Variants in TRAPPC6B observed in about 807,000 individuals in gnomAD.
The protein encoded by TRAPPC6B is TRAPP complex subunit 6B.
A neutral mutation model predicts 24.7 loss-of-function variants in TRAPPC6B; 27 were observed. The observed-to-expected ratio is 1.09, with a 90% CI of 0.81 to 1.51. The LOEUF is 1.51. TRAPPC6B is among the 40% of genes most tolerant of loss of function. TRAPPC6B has a pLI of 0.00. For missense variants in TRAPPC6B, 212 were observed against 190.8 expected (o/e 1.11, Z -0.66); for synonymous variants, 80 against 66.6 (o/e 1.20, Z -0.98).
At chr14:39,167,982 G>A (rs2053124974) in intron 1 of TRAPPC6B, among the ~76,000 whole-genome samples, 1 of 152,204 alleles carries the variant, frequency 6.6e-6, no homozygotes, top group Non-Finnish European at 1.5e-5. Context: ...GGGAGGCCAA[G>A]GCGGGCAGAT....
chr14:39,156,179 A>G (rs916952554), intron 3 of TRAPPC6B, among the ~76,000 whole-genome samples: 5 of 152,182 alleles, frequency 3.3e-5, no homozygotes, highest in African/African-American at 9.6e-5. Context: ...ATTCCAAGCT[A>G]AAGTTGGTAC....
intron 4 of TRAPPC6B, among the ~76,000 whole-genome samples, chr14:39,153,768 G>C (rs915056977): frequency 1.4e-5 from 2 of 147,484 alleles, no homozygotes; most frequent in Non-Finnish European, 3.0e-5. Context: ...ATGATAGCAC[G>C]ATCTCAGCTC....
At chr14:39,167,817 T>C (rs1447350500) in intron 1 of TRAPPC6B, among the ~76,000 whole-genome samples, 1 of 152,030 alleles carries the variant, frequency 6.6e-6, no homozygotes, top group African/African-American at 2.4e-5. Context: ...TCTCTTAAAA[T>C]TATCAGGCCT....
chr14:39,153,622 C>A (rs1328813372), intron 4 of TRAPPC6B, among the ~76,000 whole-genome samples: 2 of 148,580 alleles, frequency 1.3e-5, no homozygotes, highest in African/African-American at 2.5e-5. Context: ...CAGAGCAAGA[C>A]CTTGTCTTAA....
intron 1 of TRAPPC6B, among the ~76,000 whole-genome samples, chr14:39,169,533 C>CA (rs1339924541): frequency 3.3e-5 from 5 of 152,132 alleles, no homozygotes; most frequent in African/African-American, 9.7e-5. Flanking sequence ...CTAACGCCTG[C>CA]AAACTTTCCT....
chr14:39,154,682 A>T (rs2139379004), intron 3 of TRAPPC6B, among the ~76,000 whole-genome samples: 1 of 152,192 alleles, frequency 6.6e-6, no homozygotes, highest in Non-Finnish European at 1.5e-5. Context: ...GACCTCCCGA[A>T]GTGCTGGGAT....
At chr14:39,163,394 CCAG>C (rs2053078766) in intron 1 of TRAPPC6B, among the ~76,000 whole-genome samples, 1 of 148,380 alleles carries the variant, frequency 6.7e-6, no homozygotes. Flanking sequence ...AAAAAAAAGA[CCAG>C]CAACATCAGC....
At chr14:39,169,287 A>G (rs2053140376) in intron 1 of TRAPPC6B, among the ~76,000 whole-genome samples, 1 of 152,148 alleles carries the variant, frequency 6.6e-6, no homozygotes, top group South Asian at 2.1e-4. Flanking sequence ...TAATTTATCT[A>G]GCAGTGTCAG....
intron 3 of TRAPPC6B, among the ~76,000 whole-genome samples, chr14:39,156,536 C>T (rs181717297): frequency 6.6e-6 from 1 of 152,124 alleles, no homozygotes; most frequent in East Asian, 1.9e-4. Flanking sequence ...CAAGACTAGT[C>T]TGGGCAACAA....
intron 1 of TRAPPC6B, among the ~76,000 whole-genome samples, chr14:39,164,176 T>C (rs2053085352): frequency 6.6e-6 from 1 of 152,218 alleles, no homozygotes; most frequent in Non-Finnish European, 1.5e-5. Flanking sequence ...GTGTAACTTC[T>C]ACTAAAGTAA....
At chr14:39,156,091 C>A (rs893787994) in intron 3 of TRAPPC6B, among the ~76,000 whole-genome samples, 2 of 152,138 alleles carry the variant, frequency 1.3e-5, no homozygotes, top group African/African-American at 4.8e-5. Flanking sequence ...CCATGTCCAG[C>A]CAGCTGATAT....
intron 3 of TRAPPC6B, among the ~76,000 whole-genome samples, chr14:39,155,253 T>A (rs2052962645): frequency 6.6e-6 from 1 of 152,110 alleles, no homozygotes; most frequent in Non-Finnish European, 1.5e-5. Context: ...ATTTATTTAT[T>A]TTTTTGAGAC....
Position 39,158,352 on chromosome 14 carries a change from A to G in TRAPPC6B, c.200T>C (p.Phe67Ser), listed in dbSNP as rs767643971. ...CGTAGTCCAAAAATCTTTACAAATG[A>G]ACTTCATGATATCTAACTCATCCTT... ...RFKDELDIMK[F>S]ICKDFWTTVF... The change falls in exon 3 of 6, where the codon TTC (phenylalanine) becomes TCC (serine). Residue 67 changes from phenylalanine (F) to serine (S), a missense_variant. Coordinates refer to ENST00000330149, the MANE Select transcript of TRAPPC6B (RefSeq NM_001079537.2). 3.7e-6 allele frequency: 6 copies of G among 1,605,064 alleles called. No individual in the cohort carries two copies. The South Asian group carries it at 6.8e-5, about 18-fold the overall frequency.
chr14:39,158,615 A>G (rs191394743), intron 2 of TRAPPC6B: 14 of 430,640 alleles, frequency 3.3e-5, no homozygotes, highest in Non-Finnish European at 5.3e-5. Flanking sequence ...CCTCCCTCCC[A>G]GGCTCAAGCT....
rs1169950005 is a variant in TRAPPC6B at position 39,170,173 on chromosome 14, A to C, written c.-78T>G. 27 of 1,466,490 alleles carry C rather than the reference A, an allele frequency of 1.8e-5. No homozygotes were observed. Among genetic ancestry groups the C allele is most frequent in the Admixed American group, 3.8e-5 (2 of 52,160 alleles). The allele number at this position is 1,466,490 out of a possible 1,614,324, so 90.8% of individuals were successfully genotyped here. On this transcript the variant is annotated 5_prime_UTR_variant, in exon 1 of 6. Transcript: ENST00000330149. ...GGGGGTTCCAGCTCGCGCCTCAGCG[A>C]CTTCGCCGGCGCCGCGGCTCCGTCA...
intron 1 of TRAPPC6B, among the ~76,000 whole-genome samples, chr14:39,161,372 T>A (rs10133797): frequency 6.6e-6 from 1 of 152,052 alleles, no homozygotes; most frequent in Non-Finnish European, 1.5e-5. Flanking sequence ...ACATGCGTCA[T>A]GAGAATGAAA....
intron 2 of TRAPPC6B, chr14:39,159,112 T>TA (rs1487074982): frequency 1.9e-5 from 3 of 154,540 alleles, no homozygotes; most frequent in African/African-American, 7.2e-5. Flanking sequence ...CGCATAAACA[T>TA]AGACTATAGT....
chr14:39,161,939 G>A (rs963557829), intron 1 of TRAPPC6B, among the ~76,000 whole-genome samples: 4 of 152,146 alleles, frequency 2.6e-5, no homozygotes, highest in South Asian at 2.1e-4. Flanking sequence ...TCACCAGACC[G>A]GTAGAGGGGA....
At chr14:39,168,537 C>CT (rs34718979) in intron 1 of TRAPPC6B, among the ~76,000 whole-genome samples, 56,897 of 151,810 alleles carry the variant, frequency 0.37, 11,476 homozygotes, top group Non-Finnish European at 0.45. Flanking sequence ...CTGGCAGTAC[C>CT]TTTTTTTGGA....
Sources: allele counts gnomAD v4.1 joint callset (sites outside exome capture counted in the v4.1 genomes callset), GRCh38; gene constraint gnomAD v4.1.1; transcripts MANE v1.5; gene names NCBI Gene and HGNC (gene_info 2026-07-23, HGNC 2026-07-21).